COL4A6: variants seen among roughly 807,000 people sequenced by gnomAD.
COL4A6 encodes the protein collagen type IV alpha 6 chain.
In COL4A6, 59 loss-of-function variants were observed where a neutral mutation model predicts 126.7. The observed-to-expected ratio is 0.47, with a 90% CI of 0.38 to 0.58. The LOEUF is 0.58. Among genes scored for constraint, COL4A6 ranks in the 20% least tolerant of loss-of-function variants. The probability of loss-of-function intolerance (pLI) is 0.00; values close to 1 mark genes in which losing one functional copy is unlikely to be tolerated. For synonymous variants in COL4A6, 547 were observed against 496.6 expected, an observed-to-expected ratio of 1.10 and a Z score of -1.35; for missense variants, 1,285 against 1,337.3, an observed-to-expected ratio of 0.96 and a Z score of 0.61.
At chrX:108,347,270 C>A in intron 2 of COL4A6, among the ~76,000 whole-genome samples, 1 of 111,855 alleles carries the variant, frequency 8.9e-6, no homozygotes, top group East Asian at 2.8e-4. Context: ...AAGCGGAGTA[C>A]CCAAAGAACA....
At chrX:108,168,220 A>T (rs1039829542) in intron 37 of COL4A6, among the ~76,000 whole-genome samples, 2 of 112,024 alleles carry the variant, frequency 1.8e-5, no homozygotes, top group African/African-American at 3.3e-5. Flanking sequence ...ACAAAAGAAA[A>T]TGTCCCTGTG....
rs747180877 is a variant in COL4A6, at chrX:108,172,499, G to A, written c.3172C>T (p.Pro1058Ser). 4 of 1,207,054 alleles carry A rather than the reference G, an allele frequency of 3.3e-6. No individual in the cohort carries two copies. In the Admixed American group the frequency reaches 6.6e-5, roughly 20 times the overall value. Residue 1058 changes from proline to serine, a missense_variant, in exon 32 of 45, where the codon CCA becomes TCA. Physicochemically the swap from Pro to Ser is moderately conservative, Grantham distance 74. Transcript: ENST00000334504. ...SQGIRGSPGLPGASGLPGLKG... is the reference protein window; with the variant it reads ...SQGIRGSPGLSGASGLPGLKG... Reference sequence around the variant, plus strand: ...AGGCCTGGGAGACCAGATGCTCCTGGGAGTCCAGGCGACCCTCTGATACCT... The same window carrying A: ...AGGCCTGGGAGACCAGATGCTCCTGAGAGTCCAGGCGACCCTCTGATACCT...
At chrX:108,164,476 C>A in intron 40 of COL4A6, 124 bp downstream of exon 40, 1 of 644,295 alleles carries the variant, frequency 1.6e-6, no homozygotes, top group Non-Finnish European at 2.5e-6. Flanking sequence ...TCTGGGGTAC[C>A]TTGATCCAGC....
Position 108,175,203 on chromosome X carries a change from T to C in COL4A6, c.2843A>G (p.Asn948Ser), listed in dbSNP as rs767544490. 1.7e-6 allele frequency: 2 copies of C among 1,190,152 alleles called. No homozygotes were observed. Among genetic ancestry groups the C allele is most frequent in the Admixed American group, 4.6e-5 (2 of 43,249 alleles). ...ACTAGGTATTCCGACTGGCCCCGGA[T>C]TGCCTCTGTCTCCTGCAGGGATGGA... ...GTPGEKGDRG[N>S]PGPVGIPSPR... is the part of the protein sequence containing the mutation. The change falls in exon 30 of 45, where the codon AAT becomes AGT. Residue 948 changes from asparagine to serine, a missense_variant. Physicochemically the swap from Asn to Ser is conservative, Grantham distance 46. Coordinates refer to ENST00000334504, the MANE Select transcript of COL4A6 (RefSeq NM_033641.4).
At position 108,175,752 on chromosome X, in the gene COL4A6, C is replaced by T. The variant is rs760790350; in HGVS notation, c.2732G>A (p.Gly911Asp). 9 of 1,192,912 alleles carry T rather than the reference C, an allele frequency of 7.5e-6. No homozygotes were observed. Among genetic ancestry groups the T allele is most frequent in the Non-Finnish European group, 1.0e-5 (9 of 886,072 alleles). ...VGFVGFPGIP[G>D]LPGIPGTRGL... Reference sequence around the variant, plus strand: ...TCTTGTTCCAGGAATACCAGGCAGACCTGGTATTCCTGGAAAACCTACGAA... The same window carrying T: ...TCTTGTTCCAGGAATACCAGGCAGATCTGGTATTCCTGGAAAACCTACGAA... The change falls in exon 29 of 45, where the codon GGT becomes GAT. Residue 911 changes from glycine to aspartate, a missense_variant. By Grantham distance (94) the Gly-to-Asp change is moderately conservative. Coordinates refer to ENST00000334504, the MANE Select transcript of COL4A6 (RefSeq NM_033641.4).
intron 2 of COL4A6, among the ~76,000 whole-genome samples, chrX:108,392,874 G>T (rs981636600): frequency 5.4e-5 from 6 of 111,790 alleles, no homozygotes; most frequent in Admixed American, 1.9e-4. Flanking sequence ...GAATTTTGTA[G>T]CCTATAGAAC....
chrX:108,404,317 G>T (rs764130694), intron 2 of COL4A6, among the ~76,000 whole-genome samples: 8 of 111,685 alleles, frequency 7.2e-5, no homozygotes, highest in African/African-American at 2.6e-4. Flanking sequence ...TTATATGTTT[G>T]ACTTCCAGGG....
chrX:108,179,501 G>C (rs1862462295), intron 25 of COL4A6, 63 bp from the exon 26 acceptor site: 2 of 870,969 alleles, frequency 2.3e-6, no homozygotes, highest in Non-Finnish European at 3.2e-6. Context: ...TCTGAGTACA[G>C]ATCTCTGAGA....
At chrX:108,332,328 T>C (rs1451196245) in intron 2 of COL4A6, among the ~76,000 whole-genome samples, 2 of 111,991 alleles carry the variant, frequency 1.8e-5, no homozygotes, top group Non-Finnish European at 3.8e-5. Flanking sequence ...GGTGTCTCTT[T>C]GAAACAATGA....
chrX:108,157,302 A>T, intron 44 of COL4A6, 42 bp from the exon 45 acceptor site: 1 of 1,186,718 alleles, frequency 8.4e-7, no homozygotes, highest in Non-Finnish European at 1.1e-6. Context: ...GTGCCTGCCA[A>T]GGGTTGGTGT....
At chrX:108,408,647 G>T (rs922922836) in intron 2 of COL4A6, among the ~76,000 whole-genome samples, 3 of 111,731 alleles carry the variant, frequency 2.7e-5, no homozygotes, top group Non-Finnish European at 5.6e-5. Context: ...TCATGCATAT[G>T]AACCTATGAA....
At chrX:108,347,982 A>G (rs1261482268) in intron 2 of COL4A6, among the ~76,000 whole-genome samples, 7 of 111,013 alleles carry the variant, frequency 6.3e-5, no homozygotes, top group African/African-American at 2.3e-4. Flanking sequence ...GGCTGGCTAC[A>G]GCAATAAGGG....
chrX:108,156,863 T>C lies in COL4A6; in HGVS notation c.*137A>G. 1.5e-6 allele frequency: 1 copy of C among 653,499 alleles called. No individual in the cohort carries two copies. The highest frequency in any genetic ancestry group is 2.4e-6 in the Non-Finnish European group (1 of 417,802). The allele number at this position is 653,499 out of a possible 1,213,427, so 53.9% of individuals were successfully genotyped here. A position where few individuals can be genotyped will look rare whatever the true frequency, so the allele number is the denominator to read the frequency against. ...GGCTGGGGTGACGAGTGTCCGGTAG[T>C]CTAGCCCAAATGAGACTCCAATGTA... On this transcript the variant is annotated 3_prime_UTR_variant, in exon 45 of 45. Coordinates refer to ENST00000334504, the MANE Select transcript of COL4A6 (RefSeq NM_033641.4).
intron 3 of COL4A6, among the ~76,000 whole-genome samples, chrX:108,285,171 T>C (rs1226783533): frequency 1.7e-4 from 19 of 111,709 alleles, no homozygotes; most frequent in East Asian, 5.6e-4. Context: ...AGTGTGTTTA[T>C]TGGGCATATT....
rs971684953 is a variant in COL4A6, at chrX:108,272,789, G to A, written c.144+37959C>T. Among the ~76,000 whole-genome samples, 43 of 109,825 alleles carry A rather than the reference G, an allele frequency of 3.9e-4. 1 individual carries two copies. Among genetic ancestry groups the A allele is most frequent in the Admixed American group, 3.5e-3 (36 of 10,241 alleles). On this transcript the variant is annotated intron_variant, in intron 3 of 44. Transcript: ENST00000334504. ...CTATCTGCCAATGGTTATCAACCTC[G>A]GCTTTGCATTAGAGTCATCTGGGGA...
At chrX:108,300,086 C>T (rs1193408677) in intron 3 of COL4A6, among the ~76,000 whole-genome samples, 4 of 110,675 alleles carry the variant, frequency 3.6e-5, no homozygotes, top group Admixed American at 9.6e-5. Flanking sequence ...TTTAACATCC[C>T]ACAGAGAAAA....
chrX:108,177,159 C>T, intron 27 of COL4A6, 148 bp from the exon 28 acceptor site: 1 of 490,146 alleles, frequency 2.0e-6, no homozygotes, highest in East Asian at 3.7e-5. Context: ...AAACTGCTAA[C>T]AGGCAGAGTT....
At chrX:108,237,536 C>A (rs1012411927) in intron 3 of COL4A6, among the ~76,000 whole-genome samples, 2 of 112,030 alleles carry the variant, frequency 1.8e-5, no homozygotes, top group Non-Finnish European at 3.8e-5. Context: ...TCTTTCAAAG[C>A]TCAGCTCAAA....
chrX:108,357,947 A>G (rs1299193682), intron 2 of COL4A6, among the ~76,000 whole-genome samples: 1 of 111,818 alleles, frequency 8.9e-6, no homozygotes, highest in Admixed American at 9.5e-5. Context: ...GTTGTAAGCT[A>G]TATCCAAATA....
Sources: allele counts gnomAD v4.1 joint callset (sites outside exome capture counted in the v4.1 genomes callset), GRCh38; gene constraint gnomAD v4.1.1; transcripts MANE v1.5; gene names NCBI Gene and HGNC (gene_info 2026-07-23, HGNC 2026-07-21).